Variants in PTPRD observed in about 807,000 individuals in gnomAD.
The protein encoded by PTPRD is receptor-type tyrosine-protein phosphatase delta.
PTPRD carries 34 observed loss-of-function variants against 214.5 expected under a neutral mutation model. The ratio of observed to expected loss-of-function variants is 0.16; its 90% CI spans 0.12 to 0.21. The LOEUF (loss-of-function observed/expected upper bound fraction) is 0.21. PTPRD is among the 10% of genes least tolerant of loss of function. The pLI is 1.00. For missense variants in PTPRD, 2,545 were observed against 2,398.7 expected (o/e 1.06, Z -1.27); for synonymous variants, 1,128 against 845.7 (o/e 1.33, Z -5.79).
At chr9:9,244,851 C>T (rs1196332182) in intron 9 of PTPRD, among the ~76,000 whole-genome samples, 1 of 152,086 alleles carries the variant, frequency 6.6e-6, no homozygotes, top group Admixed American at 6.6e-5. Context: ...GAACAGGCAA[C>T]CTACAGAATG....
At chr9:9,109,312 G>A (rs1193853280) in intron 10 of PTPRD, among the ~76,000 whole-genome samples, 3 of 152,120 alleles carry the variant, frequency 2.0e-5, no homozygotes, top group African/African-American at 7.2e-5. Context: ...ACTACAGTAA[G>A]GAGAAGGGAA....
intron 5 of PTPRD, among the ~76,000 whole-genome samples, chr9:9,845,161 G>T (rs7035728): frequency 0.013 from 463 of 36,006 alleles, 22 homozygotes; most frequent in Middle Eastern, 0.026. Context: ...TCTATATATA[G>T]AGCAATATAT....
chr9:8,874,794 A>C (rs1391134363), intron 11 of PTPRD, among the ~76,000 whole-genome samples: 2 of 152,238 alleles, frequency 1.3e-5, no homozygotes, highest in African/African-American at 4.8e-5. Context: ...GAGCATGGCA[A>C]ATCACTTACT....
chr9:9,482,945 A>C (rs2095480857), intron 8 of PTPRD, among the ~76,000 whole-genome samples: 1 of 152,198 alleles, frequency 6.6e-6, no homozygotes. Flanking sequence ...ATAGTTTCTT[A>C]AGTAAAGCCA....
chr9:10,504,054 T>C (rs1185394087), intron 2 of PTPRD, among the ~76,000 whole-genome samples: 1 of 129,866 alleles, frequency 7.7e-6, no homozygotes, highest in Non-Finnish European at 1.6e-5. Flanking sequence ...AGGCAGAGCT[T>C]GCAGTGAGCC....
intron 10 of PTPRD, among the ~76,000 whole-genome samples, chr9:9,076,747 G>T (rs1245620964): frequency 6.6e-6 from 1 of 150,460 alleles, no homozygotes; most frequent in Non-Finnish European, 1.5e-5. Context: ...GAATAGTGTT[G>T]CAATAAACAT....
chr9:9,796,420 G>A (rs981694067), intron 5 of PTPRD, among the ~76,000 whole-genome samples: 3 of 152,144 alleles, frequency 2.0e-5, no homozygotes, highest in Admixed American at 2.0e-4. Flanking sequence ...AAATATCCGG[G>A]AGGAGGTTGA....
chr9:9,070,340 C>A (rs1569526677), intron 10 of PTPRD, among the ~76,000 whole-genome samples: 2 of 152,104 alleles, frequency 1.3e-5, no homozygotes, highest in African/African-American at 2.4e-5. Context: ...TCCTTTCATT[C>A]CATTATAGAA....
chr9:10,426,158 G>A (rs959966178), intron 2 of PTPRD, among the ~76,000 whole-genome samples: 1 of 151,942 alleles, frequency 6.6e-6, no homozygotes, highest in East Asian at 2.0e-4. Flanking sequence ...TGTGAATATT[G>A]CTTTTCCTAT....
chr9:8,869,545 G>C (rs929933761), intron 11 of PTPRD, among the ~76,000 whole-genome samples: 6 of 152,042 alleles, frequency 3.9e-5, no homozygotes, highest in African/African-American at 1.4e-4. Flanking sequence ...CCAGCTCCCA[G>C]GAGTCAGAAT....
intron 9 of PTPRD, among the ~76,000 whole-genome samples, chr9:9,216,878 A>G (rs915770472): frequency 3.9e-5 from 6 of 152,202 alleles, no homozygotes; most frequent in African/African-American, 1.2e-4. Context: ...TGGAACAGTT[A>G]AATGACTTTT....
At chr9:8,887,379 G>A (rs2098500194) in intron 11 of PTPRD, among the ~76,000 whole-genome samples, 1 of 152,138 alleles carries the variant, frequency 6.6e-6, no homozygotes, top group Non-Finnish European at 1.5e-5. Context: ...ATAGATGGAA[G>A]AAGTAACAAT....
At chr9:10,185,624 A>G (rs1332732249) in intron 3 of PTPRD, among the ~76,000 whole-genome samples, 1 of 152,180 alleles carries the variant, frequency 6.6e-6, no homozygotes, top group Non-Finnish European at 1.5e-5. Context: ...CAACGGTTAG[A>G]ACACAGGCTA....
chr9:9,425,378 ATATCT>A lies in PTPRD; in HGVS notation c.-236-27901_-236-27897del, dbSNP rs1569568210. Among the ~76,000 whole-genome samples the A allele has an allele frequency of 8.4e-4, 80 of 95,490 alleles. 1 individual carries two copies. Among genetic ancestry groups the A allele is most frequent in the African/African-American group, 2.6e-3 (66 of 25,256 alleles). The allele number at this position is 95,490 out of a possible 152,430, so 62.6% of individuals were successfully genotyped here. ...GCATATATATAAAATATATATTATA[ATATCT>A]TATACATTATATAATTTATAATATA... is the stretch of plus-strand genomic sequence containing the variant. On this transcript the variant is annotated intron_variant, in intron 8 of 45. Transcript: ENST00000381196.
At chr9:8,748,307 C>T (rs192642412) in intron 11 of PTPRD, among the ~76,000 whole-genome samples, 15 of 152,050 alleles carry the variant, frequency 9.9e-5, no homozygotes, top group Non-Finnish European at 1.9e-4. Flanking sequence ...AGCTCACACC[C>T]AACCAATCAG....
chr9:9,141,106 T>G (rs2099859644), intron 10 of PTPRD, among the ~76,000 whole-genome samples: 1 of 151,428 alleles, frequency 6.6e-6, no homozygotes, highest in Admixed American at 6.6e-5. Context: ...CCTTCTCTTC[T>G]TCCTTCTCCT....
At chr9:10,081,151 C>CT (rs2098230114) in intron 3 of PTPRD, among the ~76,000 whole-genome samples, 1 of 151,826 alleles carries the variant, frequency 6.6e-6, no homozygotes, top group Non-Finnish European at 1.5e-5. Flanking sequence ...CTAGATAATT[C>CT]TTTGAAATAA....
rs139985564 is a variant in PTPRD, at chr9:8,673,490, T to C, written c.65-36646A>G. ...ACTTTTCCTACTATAAAAGAAAATA[T>C]GAACCTCACAACTGCCACTTATTTA... On this transcript the variant is annotated intron_variant, in intron 12 of 45. Coordinates refer to ENST00000381196, the MANE Select transcript of PTPRD (RefSeq NM_002839.4). Among the ~76,000 whole-genome samples the C allele has an allele frequency of 5.3e-4, 80 of 152,310 alleles. 1 individual carries two copies. In the East Asian group the frequency reaches 0.014, roughly 27 times the overall value.
chr9:9,085,219 GA>G (rs1269198300), intron 10 of PTPRD, among the ~76,000 whole-genome samples: 1 of 152,094 alleles, frequency 6.6e-6, no homozygotes. Context: ...AGACTGAAAA[GA>G]AAGATAGACA....
Sources: allele counts gnomAD v4.1 joint callset (sites outside exome capture counted in the v4.1 genomes callset), GRCh38; gene constraint gnomAD v4.1.1; transcripts MANE v1.5; gene names NCBI Gene and HGNC (gene_info 2026-07-23, HGNC 2026-07-21).